ASCC1: variants seen among roughly 807,000 people sequenced by gnomAD.
ASCC1 encodes the protein ASC-1 complex subunit P50.
A neutral mutation model predicts 46.6 loss-of-function variants in ASCC1; 35 were observed. The observed-to-expected ratio is 0.75, with a 90% CI of 0.57 to 0.99. The LOEUF is 0.99. Among genes scored for constraint, ASCC1 ranks in the 50% least tolerant of loss-of-function variants. The probability of loss-of-function intolerance (pLI) is 0.00; values close to 1 mark genes in which losing one functional copy is unlikely to be tolerated. For missense variants in ASCC1, 376 were observed against 428.7 expected, an observed-to-expected ratio of 0.88 and a Z score of 1.09; for synonymous variants, 143 against 146.6, an observed-to-expected ratio of 0.98 and a Z score of 0.18.
intron 7 of ASCC1, among the ~76,000 whole-genome samples, chr10:72,137,954 T>G (rs1846463419): frequency 6.6e-6 from 1 of 152,034 alleles, no homozygotes; most frequent in African/African-American, 2.4e-5. Flanking sequence ...ACCCTCTGCC[T>G]CCCAGGCTCA....
intron 5 of ASCC1, among the ~76,000 whole-genome samples, chr10:72,189,178 A>T (rs942478723): frequency 6.6e-6 from 1 of 151,658 alleles, no homozygotes; most frequent in Non-Finnish European, 1.5e-5. Flanking sequence ...AGGCGGGCGG[A>T]TCATGAAGTC....
At chr10:72,161,705 C>T in intron 5 of ASCC1, 31 bp from the exon 6 acceptor site, 3 of 1,613,786 alleles carry the variant, frequency 1.9e-6, no homozygotes, top group South Asian at 1.1e-5. Context: ...ACAAGAAACT[C>T]AGCCCATACA....
At chr10:72,196,755 T>C in intron 5 of ASCC1, 56 bp downstream of exon 5, 1 of 1,518,246 alleles carries the variant, frequency 6.6e-7, no homozygotes. Context: ...GAACCATTTT[T>C]GTATTCTTTT....
At position 72,133,287 on chromosome 10, in the gene ASCC1, T is replaced by C. The variant is rs1845815147; in HGVS notation, c.747-106A>G. 5 of 1,143,482 alleles carry C rather than the reference T, an allele frequency of 4.4e-6. No individual in the cohort carries two copies. In the African/African-American group the frequency reaches 4.6e-5, roughly 10 times the overall value. 70.8% of individuals were successfully genotyped at this position (1,143,482 alleles called of 1,614,324 possible). A position where few individuals can be genotyped will look rare whatever the true frequency, so the allele number is the denominator to read the frequency against. ...AGCATGTGCTCTGTGCTAATCACCATACAAAGCCCTGCATCACAGGAGGAA... is the reference window on the plus strand; with the variant it reads ...AGCATGTGCTCTGTGCTAATCACCACACAAAGCCCTGCATCACAGGAGGAA... On this transcript the variant is annotated intron_variant, in intron 7 of 9. Transcript: ENST00000672957.
intron 9 of ASCC1, among the ~76,000 whole-genome samples, chr10:72,127,723 G>A (rs1159035610): frequency 6.8e-6 from 1 of 147,290 alleles, no homozygotes; most frequent in African/African-American, 2.6e-5. Context: ...GGGTGCAGAG[G>A]CTCACACCTG....
At chr10:72,125,752 A>G (rs1016423985) in intron 9 of ASCC1, among the ~76,000 whole-genome samples, 1 of 152,208 alleles carries the variant, frequency 6.6e-6, no homozygotes, top group Non-Finnish European at 1.5e-5. Context: ...ATACTATACT[A>G]AAGGATACGT....
intron 4 of ASCC1, among the ~76,000 whole-genome samples, chr10:72,201,448 G>GGA (rs1856484469): frequency 6.6e-6 from 1 of 152,184 alleles, no homozygotes; most frequent in African/African-American, 2.4e-5. Flanking sequence ...CAGCACTTTG[G>GGA]GAGGCCAAGG....
At chr10:72,199,576 G>A (rs1482602738) in intron 4 of ASCC1, among the ~76,000 whole-genome samples, 2 of 151,562 alleles carry the variant, frequency 1.3e-5, no homozygotes, top group Non-Finnish European at 2.9e-5. Flanking sequence ...GATTACAGGC[G>A]TGAGCCACTG....
intron 7 of ASCC1, 145 bp downstream of exon 7, chr10:72,152,724 C>T (rs1429964053): frequency 9.8e-7 from 1 of 1,023,096 alleles, no homozygotes; most frequent in Non-Finnish European, 1.4e-6. Context: ...AAGAGATTAA[C>T]TTACTATTAA....
At chr10:72,137,363 C>A (rs892966654) in intron 7 of ASCC1, among the ~76,000 whole-genome samples, 31 of 151,826 alleles carry the variant, frequency 2.0e-4, no homozygotes, top group African/African-American at 7.0e-4. Context: ...CCCATCTCTA[C>A]TAAAGATACA....
At chr10:72,135,139 G>T (rs1846034953) in intron 7 of ASCC1, among the ~76,000 whole-genome samples, 1 of 152,214 alleles carries the variant, frequency 6.6e-6, no homozygotes, top group Admixed American at 6.5e-5. Flanking sequence ...AACAGAGAAA[G>T]AAAAGGAAAC....
At chr10:72,178,996 A>G (rs1452719445) in intron 5 of ASCC1, among the ~76,000 whole-genome samples, 2 of 152,164 alleles carry the variant, frequency 1.3e-5, no homozygotes, top group Non-Finnish European at 2.9e-5. Context: ...CAGACATCTT[A>G]ATGAACGTGT....
At chr10:72,181,965 T>C (rs1852688471) in intron 5 of ASCC1, among the ~76,000 whole-genome samples, 1 of 152,046 alleles carries the variant, frequency 6.6e-6, no homozygotes, top group Non-Finnish European at 1.5e-5. Flanking sequence ...GGATTACAGG[T>C]GTGAGCCACC....
chr10:72,186,949 G>GAA (rs58308871), intron 5 of ASCC1, among the ~76,000 whole-genome samples: 7 of 101,166 alleles, frequency 6.9e-5, no homozygotes, highest in Admixed American at 1.1e-4. Context: ...CACATGCCCA[G>GAA]AAAAAAAAAA....
chr10:72,131,933 ATC>A (rs894271658), intron 8 of ASCC1, among the ~76,000 whole-genome samples: 1 of 136,282 alleles, frequency 7.3e-6, no homozygotes, highest in Non-Finnish European at 1.5e-5. Context: ...CTGGAGTGCG[ATC>A]TCGGCACACT....
At chr10:72,162,345 G>A (rs1185950105) in intron 5 of ASCC1, among the ~76,000 whole-genome samples, 2 of 151,716 alleles carry the variant, frequency 1.3e-5, no homozygotes, top group Non-Finnish European at 2.9e-5. Context: ...TAATTTTTTT[G>A]TATTTTTAGT....
At chr10:72,189,001 C>T (rs1003966328) in intron 5 of ASCC1, among the ~76,000 whole-genome samples, 3 of 152,130 alleles carry the variant, frequency 2.0e-5, no homozygotes, top group Admixed American at 6.6e-5. Context: ...AGCAATCCTC[C>T]AGCCTCGGCC....
chr10:72,158,357 G>A (rs1849236119), intron 6 of ASCC1, among the ~76,000 whole-genome samples: 1 of 152,192 alleles, frequency 6.6e-6, no homozygotes, highest in Non-Finnish European at 1.5e-5. Flanking sequence ...CGTCAGGCCT[G>A]CTGGAAACAC....
chr10:72,121,082 T>C (rs963690609), intron 9 of ASCC1, among the ~76,000 whole-genome samples: 3 of 152,202 alleles, frequency 2.0e-5, no homozygotes, highest in Non-Finnish European at 4.4e-5. Context: ...CAGAGAGTGT[T>C]AAATTAAAAT....
Sources: gnomAD v4.1 joint callset for allele counts (sites outside exome capture counted in the v4.1 genomes callset) on GRCh38, gnomAD v4.1.1 for gene constraint, MANE v1.5 for transcripts, NCBI Gene and HGNC (gene_info 2026-07-23, HGNC 2026-07-21) for gene names.